TMEM53: variants seen among roughly 807,000 people sequenced by gnomAD.
TMEM53 encodes transmembrane protein 53, also known as novel DUF829 domain-containing protein.
Under a neutral mutation model 21.4 loss-of-function variants are expected in TMEM53, and 14 were observed. The ratio of observed to expected loss-of-function variants is 0.65; its 90% confidence interval spans 0.43 to 1.02. The LOEUF is 1.02. Ranked by LOEUF, TMEM53 falls within the 50% of genes least tolerant of loss-of-function variation. The pLI is 0.00. For synonymous variants in TMEM53, 148 were observed against 157.4 expected, an observed-to-expected ratio of 0.94 and a Z score of 0.45; for missense variants, 323 against 383.6, an observed-to-expected ratio of 0.84 and a Z score of 1.32.
chr1:44,658,636 C>T (rs989679715), intron 2 of TMEM53, among the ~76,000 whole-genome samples: 1 of 152,246 alleles, frequency 6.6e-6, no homozygotes, highest in Non-Finnish European at 1.5e-5. Context: ...CTGCAACCTC[C>T]ACCTCCCAGG....
At chr1:44,664,378 T>C (rs1397531591) in intron 1 of TMEM53, among the ~76,000 whole-genome samples, 4 of 145,676 alleles carry the variant, frequency 2.7e-5, no homozygotes, top group Non-Finnish European at 4.5e-5. Flanking sequence ...TTGAACCTGG[T>C]GGTGGGGAGG....
chr1:44,670,325 T>C (rs1265519587), intron 1 of TMEM53, among the ~76,000 whole-genome samples: 1 of 152,180 alleles, frequency 6.6e-6, no homozygotes, highest in African/African-American at 2.4e-5. Flanking sequence ...CGCGGCCTCC[T>C]GCCAGGCCCC....
chr1:44,660,403 G>A (rs2148531758), intron 1 of TMEM53, 108 bp from the exon 2 acceptor site: 1 of 1,449,932 alleles, frequency 6.9e-7, no homozygotes, highest in Non-Finnish European at 9.2e-7. Context: ...GGAACAACGG[G>A]TGCCAGGCCC....
intron 2 of TMEM53, among the ~76,000 whole-genome samples, chr1:44,657,870 G>T (rs1644863613): frequency 6.8e-6 from 1 of 147,150 alleles, no homozygotes; most frequent in South Asian, 2.2e-4. Context: ...AAATATTAGA[G>T]TTTTGGGTTG....
intron 1 of TMEM53, among the ~76,000 whole-genome samples, chr1:44,663,278 T>C (rs1471679859): frequency 6.6e-6 from 1 of 152,182 alleles, no homozygotes; most frequent in Non-Finnish European, 1.5e-5. Flanking sequence ...TTTCACTTTT[T>C]CGCCCAGGCT....
In TMEM53 at chr1:44,655,176, G is replaced by A. The variant is rs376035198; in HGVS notation, c.217C>T (p.His73Tyr). 11 of 1,612,528 alleles carry A rather than the reference G, an allele frequency of 6.8e-6. No homozygotes were observed. The highest frequency in any genetic ancestry group is 1.7e-6 in the Non-Finnish European group (2 of 1,179,206). ...AGTGACTCGGAGAAGAAGACCATGT[G>A]CCACGGGGCTGTGTATCGGATTACG... ...CIVIRYTAPWHMVFFSESLGI... is the reference protein window; with the variant it reads ...CIVIRYTAPWYMVFFSESLGI... Residue 73 changes from histidine to tyrosine, a missense_variant, in exon 3 of 3, where the codon CAC (histidine) becomes TAC (tyrosine). His to Tyr is a moderately conservative substitution (Grantham distance 83). Coordinates refer to ENST00000372237, the MANE Select transcript of TMEM53 (RefSeq NM_024587.4). The surrounding 1 kb of genome is among the most constrained non-coding windows in gnomAD (Gnocchi z 4.4).
rs77952824 is a variant in TMEM53, at chr1:44,655,927, G to A, written c.184-718C>T. Among the ~76,000 whole-genome samples the A allele has an allele frequency of 2.0e-5, 3 of 152,058 alleles. No individual in the cohort carries two copies. The highest frequency in any genetic ancestry group is 4.4e-5 in the Non-Finnish European group (3 of 68,004). On this transcript the variant is annotated intron_variant, in intron 2 of 2. Coordinates refer to ENST00000372237, the MANE Select transcript of TMEM53 (RefSeq NM_024587.4). This position sits in a 1 kb window ranked among gnomAD's most constrained non-coding sequence, Gnocchi z 4.4. ...CAAATACAGTAAACACTTGTTCCTC[G>A]AATTCTATAATCTGGGCCCAAACTC...
At chr1:44,672,449 C>A (rs1192946526) in intron 1 of TMEM53, among the ~76,000 whole-genome samples, 3 of 152,206 alleles carry the variant, frequency 2.0e-5, no homozygotes, top group African/African-American at 7.2e-5. Context: ...TTCTGAGTGG[C>A]CAACAACGAT....
chr1:44,661,479 G>C (rs1056909872), intron 1 of TMEM53, among the ~76,000 whole-genome samples: 5 of 151,706 alleles, frequency 3.3e-5, no homozygotes, highest in Admixed American at 2.6e-4. Flanking sequence ...GACCTCAAGT[G>C]ATCTGCCCAC....
Position 44,655,354 on chromosome 1 carries a change from C to T in TMEM53, c.184-145G>A. ...AGCAATGCTCTGGGTCCTGCTTCAG[C>T]CTGAGCCCACCAGCCCGCTGCCCAC... On this transcript the variant is annotated intron_variant, in intron 2 of 2. Transcript: ENST00000372237. The surrounding 1 kb of genome is among the most constrained non-coding windows in gnomAD (Gnocchi z 4.4). 1.3e-6 allele frequency: 1 copy of T among 796,974 alleles called. No individual in the cohort carries two copies. Among genetic ancestry groups the T allele is most frequent in the South Asian group, 2.2e-5 (1 of 46,176 alleles). 49.4% of individuals were successfully genotyped at this position (796,974 alleles called of 1,614,324 possible).
At chr1:44,673,272 G>A (rs2148541358) in intron 1 of TMEM53, among the ~76,000 whole-genome samples, 1 of 152,330 alleles carries the variant, frequency 6.6e-6, no homozygotes, top group African/African-American at 2.4e-5. Context: ...GAGATGCTAC[G>A]GGAGGGATCT....
intron 1 of TMEM53, among the ~76,000 whole-genome samples, chr1:44,672,720 G>A (rs886349669): frequency 6.6e-6 from 1 of 151,678 alleles, no homozygotes; most frequent in African/African-American, 2.4e-5. Flanking sequence ...AGGGAGCCAT[G>A]GGATCCGCCA....
At chr1:44,665,934 A>T (rs1050305890) in intron 1 of TMEM53, among the ~76,000 whole-genome samples, 3 of 152,188 alleles carry the variant, frequency 2.0e-5, no homozygotes, top group African/African-American at 7.2e-5. Flanking sequence ...AGTGAAAAAA[A>T]GAAAAACCCC....
intron 1 of TMEM53, among the ~76,000 whole-genome samples, chr1:44,671,510 G>A (rs1437306932): frequency 5.9e-5 from 9 of 152,156 alleles, no homozygotes. Context: ...ACCTGTAATC[G>A]CAGCACTTTG....
chr1:44,654,035 G>A lies in TMEM53; in HGVS notation c.*524C>T, dbSNP rs1443518428. ...CTAGCACTTTGGGAGGCTGAGGTGG[G>A]AGGATCACTTGAGCCTGGGAGGTTG... On this transcript the variant is annotated 3_prime_UTR_variant, in exon 3 of 3. Coordinates refer to ENST00000372237, the MANE Select transcript of TMEM53 (RefSeq NM_024587.4). The surrounding 1 kb of genome is among the most constrained non-coding windows in gnomAD (Gnocchi z 7.0). 2 of 152,980 alleles carry A rather than the reference G, an allele frequency of 1.3e-5. No individual in the cohort carries two copies. Among genetic ancestry groups the A allele is most frequent in the Non-Finnish European group, 2.9e-5 (2 of 68,590 alleles). 9.5% of individuals were successfully genotyped at this position (152,980 alleles called of 1,614,324 possible).
At chr1:44,674,267 C>A in intron 1 of TMEM53, 64 bp downstream of exon 1, 2 of 1,542,606 alleles carry the variant, frequency 1.3e-6, no homozygotes, top group Non-Finnish European at 1.7e-6. Context: ...GCTACAGCTG[C>A]GCTCGCAACC....
At chr1:44,669,325 C>G (rs942046702) in intron 1 of TMEM53, among the ~76,000 whole-genome samples, 1 of 152,192 alleles carries the variant, frequency 6.6e-6, no homozygotes, top group African/African-American at 2.4e-5. Flanking sequence ...GTGACCAAAT[C>G]TCCCATTATT....
intron 1 of TMEM53, among the ~76,000 whole-genome samples, chr1:44,661,129 A>C (rs1644898420): frequency 6.6e-6 from 1 of 152,236 alleles, no homozygotes; most frequent in African/African-American, 2.4e-5. Context: ...AGCAGAGTAG[A>C]GTAGTTACAA....
chr1:44,654,436 AG>A lies in TMEM53; in HGVS notation c.*122del. The A allele has an allele frequency of 8.5e-7, 1 of 1,171,066 alleles. No individual in the cohort carries two copies. The highest frequency in any genetic ancestry group is 1.2e-6 in the Non-Finnish European group (1 of 829,218). The allele number at this position is 1,171,066 out of a possible 1,614,324, so 72.5% of individuals were successfully genotyped here. A position where few individuals can be genotyped will look rare whatever the true frequency, so the allele number is the denominator to read the frequency against. On this transcript the variant is annotated 3_prime_UTR_variant, in exon 3 of 3. Transcript: ENST00000372237. This position sits in a 1 kb window ranked among gnomAD's most constrained non-coding sequence, Gnocchi z 7.0. Reference sequence around the variant, plus strand: ...ACAGGCCCATAGGAATTTTCTACTTAGGGGACCGCAAAGTCCCAAAGGGCTA... The same window carrying A: ...ACAGGCCCATAGGAATTTTCTACTTAGGGACCGCAAAGTCCCAAAGGGCTA...
Sources: gnomAD v4.1 joint callset for allele counts (sites outside exome capture counted in the v4.1 genomes callset) on GRCh38, gnomAD v4.1.1 for gene constraint, Gnocchi (gnomAD v3.1) non-coding constraint, MANE v1.5 for transcripts, NCBI Gene and HGNC (gene_info 2026-07-23, HGNC 2026-07-21) for gene names.